Variants in LRRC17 observed in about 807,000 individuals in gnomAD.
LRRC17 encodes the protein leucine-rich repeat-containing protein 17.
Under a neutral mutation model 41.5 loss-of-function variants are expected in LRRC17, and 33 were observed. The ratio of observed to expected loss-of-function variants is 0.80; its 90% confidence interval spans 0.60 to 1.06. LRRC17 has a LOEUF of 1.06. Ranked by LOEUF, LRRC17 falls within the 50% of genes least tolerant of loss-of-function variation. The probability of loss-of-function intolerance (pLI) is 0.00; values close to 1 mark genes in which losing one functional copy is unlikely to be tolerated. For synonymous variants in LRRC17, 192 were observed against 197.0 expected (o/e 0.97, Z 0.21); for missense variants, 491 against 519.3 (o/e 0.95, Z 0.53).
chr7:102,917,739 ACTT>A (rs1318008808), intron 1 of LRRC17, among the ~76,000 whole-genome samples: 1 of 152,222 alleles, frequency 6.6e-6, no homozygotes, highest in East Asian at 1.9e-4. Flanking sequence ...CCAGGATGAC[ACTT>A]CTTGTAGCGT....
At chr7:102,942,299 G>A in intron 3 of LRRC17, 14 of 1,599,500 alleles carry the variant, frequency 8.8e-6, no homozygotes, top group East Asian at 4.6e-5. Context: ...GGGTCTTTGA[G>A]ATGAAACCCT....
intron 1 of LRRC17, among the ~76,000 whole-genome samples, chr7:102,914,952 G>T (rs1284175376): frequency 6.6e-6 from 1 of 152,030 alleles, no homozygotes; most frequent in Admixed American, 6.6e-5. Flanking sequence ...CAATCCTTTA[G>T]CTTTATAATC....
At position 102,944,243 on chromosome 7, in the gene LRRC17, T is replaced by C. The variant is rs1822029178; in HGVS notation, c.962T>C (p.Leu321Ser). The C allele has an allele frequency of 6.2e-7, 1 of 1,611,026 alleles. No individual in the cohort carries two copies. Among genetic ancestry groups the C allele is most frequent in the Admixed American group, 1.7e-5 (1 of 59,338 alleles). The change falls in exon 4 of 4, where the codon TTA (leucine) becomes TCA (serine). Residue 321 changes from leucine (L) to serine (S), a missense_variant. By Grantham distance (145) the Leu-to-Ser change is moderately radical. Transcript: ENST00000339431. ...TTAGGGCTCACACATTTAGAAGAAT[T>C]AGATTTATCAAACAACAGTCTGCAA... ...AFLGLTHLEE[L>S]DLSNNSLQNF...
intron 1 of LRRC17, among the ~76,000 whole-genome samples, chr7:102,921,224 T>C (rs867141944): frequency 4.6e-5 from 7 of 152,356 alleles, no homozygotes; most frequent in South Asian, 2.1e-4. Context: ...ATAAATGCTA[T>C]AATCTGTAAT....
intron 2 of LRRC17, among the ~76,000 whole-genome samples, chr7:102,937,906 G>A (rs987304603): frequency 1.3e-5 from 2 of 152,194 alleles, no homozygotes; most frequent in African/African-American, 4.8e-5. Context: ...TCCCCAACTC[G>A]GAGTTGAGAC....
At chr7:102,925,836 G>A (rs1449220503) in intron 1 of LRRC17, among the ~76,000 whole-genome samples, 2 of 151,818 alleles carry the variant, frequency 1.3e-5, no homozygotes, top group Non-Finnish European at 2.9e-5. Context: ...AACTACTCAG[G>A]AGGCTGACGC....
At chr7:102,923,982 G>A (rs1817578928) in intron 1 of LRRC17, among the ~76,000 whole-genome samples, 1 of 152,088 alleles carries the variant, frequency 6.6e-6, no homozygotes, top group Non-Finnish European at 1.5e-5. Flanking sequence ...GCTCACACTT[G>A]TAATCCCAGC....
intron 3 of LRRC17, chr7:102,942,414 CATT>C: frequency 4.5e-6 from 6 of 1,333,780 alleles, no homozygotes; most frequent in Admixed American, 2.4e-5. Context: ...AAATGCCAGA[CATT>C]GTTGTGGAAA....
In LRRC17 at chr7:102,939,527, T is replaced by G; in HGVS notation, c.870T>G (p.Asp290Glu). The part of the protein sequence containing the change: ...INQLRPKEFE[D>E]VHELKKLNLS... ...AACTTCGACCCAAGGAATTTGAAGATGTTCATGAGCTGAAGAAATTAAACC... is the reference window on the plus strand; with the variant it reads ...AACTTCGACCCAAGGAATTTGAAGAGGTTCATGAGCTGAAGAAATTAAACC... Residue 290 changes from aspartate (D) to glutamate (E), a missense_variant, in exon 3 of 4, where the codon GAT (aspartate) becomes GAG (glutamate). Coordinates refer to ENST00000339431, the MANE Select transcript of LRRC17 (RefSeq NM_001031692.3). The G allele has an allele frequency of 6.2e-7, 1 of 1,614,074 alleles. No homozygotes were observed. The highest frequency in any genetic ancestry group is 8.5e-7 in the Non-Finnish European group (1 of 1,179,982).
chr7:102,913,114 A>T lies in LRRC17; in HGVS notation c.-172A>T, dbSNP rs1815091010. ...GGTGCAGCCAGAGAGGTCCAGATAG[A>T]TGAGCTTGTGGCATCCATTCCCCAA... is the stretch of plus-strand genomic sequence containing the variant. On this transcript the variant is annotated 5_prime_UTR_variant, in exon 1 of 4. An upstream start codon of the reference 5' UTR is lost. Coordinates refer to ENST00000339431, the MANE Select transcript of LRRC17 (RefSeq NM_001031692.3). 1 of 1,614,176 alleles carries T rather than the reference A, an allele frequency of 6.2e-7. No individual in the cohort carries two copies.
At chr7:102,935,170 G>A (rs1027408680) in intron 2 of LRRC17, among the ~76,000 whole-genome samples, 5 of 151,084 alleles carry the variant, frequency 3.3e-5, no homozygotes, top group Admixed American at 2.6e-4. Context: ...ATGGCCCTTC[G>A]GTATTTCTTA....
chr7:102,920,887 C>T (rs1056271568), intron 1 of LRRC17, among the ~76,000 whole-genome samples: 1 of 152,218 alleles, frequency 6.6e-6, no homozygotes, highest in African/African-American at 2.4e-5. Context: ...GGCGTGTTGG[C>T]TCATACCTGT....
In LRRC17 at chr7:102,934,398, ACAACCCCTGG is replaced by A; in HGVS notation, c.488_497del (p.Asn163ThrfsTer6). On this transcript the variant is annotated frameshift_variant, in exon 2 of 4. Transcript: ENST00000339431. LOFTEE classifies it high-confidence loss of function. ...CTCTTGAGCTACCTGCGTCTTTATG[ACAACCCCTGG>A]CACTGTACTTGTGAGATAGAAACGC... 4 of 1,614,196 alleles carry A rather than the reference ACAACCCCTGG, an allele frequency of 2.5e-6. No individual in the cohort carries two copies. The highest frequency in any genetic ancestry group is 3.4e-6 in the Non-Finnish European group (4 of 1,180,032).
intron 1 of LRRC17, among the ~76,000 whole-genome samples, chr7:102,918,137 G>A (rs908918915): frequency 1.3e-5 from 2 of 152,118 alleles, no homozygotes; most frequent in Admixed American, 6.5e-5. Context: ...TTACAGTTTC[G>A]AGAACATTTT....
chr7:102,918,527 C>T lies in LRRC17; in HGVS notation c.-141+5382C>T, dbSNP rs80092053. ...ATAATTTGTAATGTGATATAAACTA[C>T]ACCCTGGGTCACACAGAGTGGATCA... On this transcript the variant is annotated intron_variant, in intron 1 of 3. Transcript: ENST00000339431. Among the ~76,000 whole-genome samples the T allele has an allele frequency of 6.4e-3, 981 of 152,314 alleles. 21 individuals carry two copies. The highest frequency in any genetic ancestry group is 0.058 in the East Asian group (299 of 5,190).
chr7:102,936,569 T>C (rs1401760553), intron 2 of LRRC17, among the ~76,000 whole-genome samples: 1 of 152,218 alleles, frequency 6.6e-6, no homozygotes, highest in Non-Finnish European at 1.5e-5. Flanking sequence ...GCATGTTTAT[T>C]AGAATTTCCT....
chr7:102,921,240 A>G (rs1230072495), intron 1 of LRRC17, among the ~76,000 whole-genome samples: 1 of 152,390 alleles, frequency 6.6e-6, no homozygotes, highest in East Asian at 1.9e-4. Flanking sequence ...GTAATGAAAC[A>G]TGATGCTTAC....
chr7:102,918,493 A>C (rs4457268), intron 1 of LRRC17, among the ~76,000 whole-genome samples: 8 of 152,242 alleles, frequency 5.3e-5, no homozygotes, highest in African/African-American at 1.9e-4. Flanking sequence ...ATATGTTTTA[A>C]GTTAAAAAAT....
intron 3 of LRRC17, among the ~76,000 whole-genome samples, chr7:102,940,136 C>T (rs141402916): frequency 0.013 from 2,000 of 151,944 alleles, 41 homozygotes; most frequent in African/African-American, 0.045. Flanking sequence ...TCAGGTGATC[C>T]GCCCACCTTG....
Sources: allele counts gnomAD v4.1 joint callset (sites outside exome capture counted in the v4.1 genomes callset), GRCh38; gene constraint gnomAD v4.1.1; transcripts MANE v1.5; gene names NCBI Gene and HGNC (gene_info 2026-07-23, HGNC 2026-07-21).